MGAT4C: variants seen among roughly 807,000 people sequenced by gnomAD.
The protein encoded by MGAT4C is alpha-1,3-mannosyl-glycoprotein 4-beta-N-acetylglucosaminyltransferase C.
In MGAT4C, 19 loss-of-function variants were observed where a neutral mutation model predicts 40.1. That is an observed-to-expected ratio of 0.47 (90% CI 0.33 to 0.70). The LOEUF is 0.70. MGAT4C is among the 30% of genes least tolerant of loss of function. The pLI is 0.02. For missense variants in MGAT4C, 491 were observed against 563.2 expected (o/e 0.87, Z 1.30); for synonymous variants, 181 against 187.1 (o/e 0.97, Z 0.27).
intron 2 of MGAT4C, among the ~76,000 whole-genome samples, chr12:86,501,292 T>C (rs909841828): frequency 2.0e-5 from 3 of 152,110 alleles, no homozygotes; most frequent in African/African-American, 7.2e-5. Flanking sequence ...TTTTAAAAAT[T>C]ATTTTTATTT....
intron 2 of MGAT4C, among the ~76,000 whole-genome samples, chr12:86,589,268 C>G (rs1961215236): frequency 6.6e-6 from 1 of 151,518 alleles, no homozygotes; most frequent in Non-Finnish European, 1.5e-5. Context: ...GAGATTACTA[C>G]AAACACCTCT....
At chr12:86,623,517 A>T (rs1330906176) in intron 2 of MGAT4C, among the ~76,000 whole-genome samples, 1 of 152,212 alleles carries the variant, frequency 6.6e-6, no homozygotes, top group East Asian at 1.9e-4. Context: ...CAAGTTGAAA[A>T]GACAATGGGC....
intron 1 of MGAT4C, among the ~76,000 whole-genome samples, chr12:86,774,353 C>CTTTTT (rs1565981803): frequency 3.3e-4 from 6 of 18,086 alleles, no homozygotes; most frequent in East Asian, 1.3e-3. Flanking sequence ...CTCTCTCTCT[C>CTTTTT]CCCTCTCTCT....
At chr12:86,070,188 G>T (rs1445861917) in intron 1 of MGAT4C, among the ~76,000 whole-genome samples, 1 of 150,996 alleles carries the variant, frequency 6.6e-6, no homozygotes, top group Admixed American at 6.6e-5. Flanking sequence ...ACTTAACAAA[G>T]TCTATTCTAA....
At chr12:86,421,868 T>C (rs572941567) in intron 3 of MGAT4C, among the ~76,000 whole-genome samples, 1 of 152,206 alleles carries the variant, frequency 6.6e-6, no homozygotes, top group Non-Finnish European at 1.5e-5. Flanking sequence ...ATATCTGGTA[T>C]ATGATCAAGG....
At chr12:86,528,736 A>G (rs1041316562) in intron 2 of MGAT4C, among the ~76,000 whole-genome samples, 2 of 152,098 alleles carry the variant, frequency 1.3e-5, no homozygotes, top group African/African-American at 4.8e-5. Flanking sequence ...TAATGATTTA[A>G]GACTTTAGTG....
chr12:86,337,435 A>C (rs1592712820), intron 3 of MGAT4C, among the ~76,000 whole-genome samples: 3 of 152,052 alleles, frequency 2.0e-5, no homozygotes, highest in Admixed American at 2.0e-4. Flanking sequence ...TGCCACTTAA[A>C]AAATGTAAAA....
chr12:86,759,337 C>A (rs1951361523), intron 1 of MGAT4C, among the ~76,000 whole-genome samples: 2 of 152,052 alleles, frequency 1.3e-5, no homozygotes, highest in African/African-American at 4.8e-5. Context: ...AATAGTGCTG[C>A]AACAAAGACA....
At chr12:86,466,036 C>T (rs779491730) in intron 2 of MGAT4C, among the ~76,000 whole-genome samples, 1 of 151,858 alleles carries the variant, frequency 6.6e-6, no homozygotes, top group Non-Finnish European at 1.5e-5. Context: ...TGATGAAATC[C>T]CGTCTCTACT....
intron 3 of MGAT4C, among the ~76,000 whole-genome samples, chr12:86,390,383 T>C (rs2136227775): frequency 6.6e-6 from 1 of 152,352 alleles, no homozygotes; most frequent in South Asian, 2.1e-4. Context: ...TCCAGTCTAA[T>C]ATTTTGTATA....
chr12:86,071,030 C>T (rs999007980), intron 1 of MGAT4C, among the ~76,000 whole-genome samples: 1 of 151,946 alleles, frequency 6.6e-6, no homozygotes, highest in Non-Finnish European at 1.5e-5. Flanking sequence ...GACAGATAGT[C>T]TCAAGTTAAA....
intron 1 of MGAT4C, among the ~76,000 whole-genome samples, chr12:86,760,529 AC>A (rs943007064): frequency 2.0e-5 from 3 of 152,090 alleles, no homozygotes; most frequent in African/African-American, 7.2e-5. Flanking sequence ...GCCTGAAACA[AC>A]CTAAGAAAAG....
intron 1 of MGAT4C, among the ~76,000 whole-genome samples, chr12:86,173,062 C>T (rs937804539): frequency 2.0e-5 from 3 of 152,048 alleles, no homozygotes; most frequent in Non-Finnish European, 4.4e-5. Flanking sequence ...TACATTAATG[C>T]AAGCATTAAC....
chr12:86,450,831 T>C (rs894742003), intron 2 of MGAT4C, among the ~76,000 whole-genome samples: 2 of 152,164 alleles, frequency 1.3e-5, no homozygotes, highest in Non-Finnish European at 2.9e-5. Flanking sequence ...CACGTTTGTA[T>C]ACACATATGT....
intron 3 of MGAT4C, among the ~76,000 whole-genome samples, chr12:85,987,921 T>G (rs995884650): frequency 6.6e-6 from 1 of 152,234 alleles, no homozygotes; most frequent in Admixed American, 6.5e-5. Context: ...AATAAATTTT[T>G]ATTATAAAAT....
chr12:86,526,777 C>A lies in MGAT4C; in HGVS notation c.-228-91512G>T, dbSNP rs748420713. Among the ~76,000 whole-genome samples, 4 of 152,324 alleles carry A rather than the reference C, an allele frequency of 2.6e-5. 1 individual carries two copies. Among genetic ancestry groups the A allele is most frequent in the Middle Eastern group, 6.8e-3 (2 of 294 alleles). ...CACTACAGATGTTCACACACCAAAC[C>A]GTTTGGGTTCCATATCAGCTTGCTT... On this transcript the variant is annotated intron_variant, in intron 2 of 7. Transcript: ENST00000548651.
At chr12:86,631,309 C>A (rs1192794535) in intron 2 of MGAT4C, among the ~76,000 whole-genome samples, 1 of 152,006 alleles carries the variant, frequency 6.6e-6, no homozygotes, top group Non-Finnish European at 1.5e-5. Context: ...GAATCAAAAT[C>A]GTGAATATGG....
intron 1 of MGAT4C, among the ~76,000 whole-genome samples, chr12:86,229,515 T>C (rs1951230716): frequency 1.3e-5 from 2 of 152,064 alleles, no homozygotes; most frequent in Non-Finnish European, 2.9e-5. Context: ...TGCATGTGTA[T>C]ATTGTTGTTC....
chr12:86,322,853 C>G (rs2136164191), intron 4 of MGAT4C, among the ~76,000 whole-genome samples: 1 of 152,090 alleles, frequency 6.6e-6, no homozygotes, highest in South Asian at 2.1e-4. Flanking sequence ...GTGAAAATAT[C>G]AGTTTTAAAT....
Sources: gnomAD v4.1 joint callset for allele counts (sites outside exome capture counted in the v4.1 genomes callset) on GRCh38, gnomAD v4.1.1 for gene constraint, MANE v1.5 for transcripts, NCBI Gene and HGNC (gene_info 2026-07-23, HGNC 2026-07-21) for gene names.